Variants in SPAG16 observed in about 807,000 individuals in gnomAD.
SPAG16 encodes sperm-associated antigen 16 protein.
SPAG16 carries 86 observed loss-of-function variants against 80.4 expected under a neutral mutation model. The observed-to-expected ratio is 1.07, with a 90% CI of 0.90 to 1.28. The LOEUF (loss-of-function observed/expected upper bound fraction) is 1.28. Ranked by LOEUF, SPAG16 falls within the 50% of genes most tolerant of loss-of-function variation. SPAG16 has a pLI of 0.00. For missense variants in SPAG16, 870 were observed against 765.3 expected, an observed-to-expected ratio of 1.14 and a Z score of -1.61; for synonymous variants, 294 against 265.9, an observed-to-expected ratio of 1.11 and a Z score of -1.03.
At chr2:213,911,031 A>G (rs1386800004) in intron 11 of SPAG16, among the ~76,000 whole-genome samples, 3 of 151,866 alleles carry the variant, frequency 2.0e-5, no homozygotes, top group African/African-American at 7.3e-5. Flanking sequence ...CTCCTGTTCC[A>G]CCCCCTCTCA....
chr2:213,615,423 T>C lies in SPAG16; in HGVS notation c.1070+125333T>C, dbSNP rs143175927. On this transcript the variant is annotated intron_variant, in intron 10 of 15. Transcript: ENST00000331683. ...CTGGCCAAGATGGTGAGACCCTGTC[T>C]CTACTAAAAATGCAAAAATTACCTG... Among the ~76,000 whole-genome samples, 234 of 152,234 alleles carry C rather than the reference T, an allele frequency of 1.5e-3. 2 individuals are homozygous for C. Among genetic ancestry groups the C allele is most frequent in the African/African-American group, 5.2e-3 (215 of 41,538 alleles).
chr2:214,164,878 C>T (rs1010993501), intron 15 of SPAG16, among the ~76,000 whole-genome samples: 26 of 151,904 alleles, frequency 1.7e-4, no homozygotes, highest in African/African-American at 3.4e-4. Flanking sequence ...TTAAATGCTC[C>T]GGACACTGCT....
chr2:213,963,547 T>G (rs1031914616), intron 12 of SPAG16, among the ~76,000 whole-genome samples: 8 of 152,174 alleles, frequency 5.3e-5, no homozygotes, highest in African/African-American at 1.9e-4. Flanking sequence ...TAGTTCTAGA[T>G]AGTTTATAAT....
chr2:213,540,348 C>A (rs1441509804), intron 10 of SPAG16, among the ~76,000 whole-genome samples: 1 of 152,060 alleles, frequency 6.6e-6, no homozygotes, highest in Non-Finnish European at 1.5e-5. Context: ...CCATGCCCGG[C>A]CCAAAAACAA....
rs1345578430 is a variant in SPAG16 at position 213,300,294 on chromosome 2, G to A, written c.279+2937G>A. The stretch of plus-strand genomic sequence containing the variant: ...TCCTCCTTTTCTTCCTCTTCCTCCT[G>A]AGAATTTAAGTAGAATTTATGGAAT... On this transcript the variant is annotated intron_variant, in intron 3 of 15. Transcript: ENST00000331683. 4.0e-5 allele frequency among the ~76,000 whole-genome samples: 6 copies of A among 151,728 alleles called. No homozygotes were observed. The East Asian group carries it at 9.6e-4, about 24-fold the overall frequency.
chr2:213,882,787 T>C (rs572829193), intron 11 of SPAG16, among the ~76,000 whole-genome samples: 1 of 152,328 alleles, frequency 6.6e-6, no homozygotes, highest in African/African-American at 2.4e-5. Context: ...TGCTTTGCAA[T>C]ATTATCCAGT....
intron 12 of SPAG16, among the ~76,000 whole-genome samples, chr2:213,947,915 T>C (rs1277435361): frequency 6.6e-6 from 1 of 152,160 alleles, no homozygotes; most frequent in Admixed American, 6.5e-5. Context: ...AAAATTGTTT[T>C]GACTGTTCTA....
intron 10 of SPAG16, among the ~76,000 whole-genome samples, chr2:213,632,306 T>C (rs1193262076): frequency 6.6e-6 from 1 of 152,188 alleles, no homozygotes; most frequent in African/African-American, 2.4e-5. Flanking sequence ...ATGCTATTGA[T>C]ATTTGTCTGT....
intron 5 of SPAG16, among the ~76,000 whole-genome samples, chr2:213,324,323 T>G (rs1457984148): frequency 1.3e-5 from 2 of 152,160 alleles, no homozygotes; most frequent in African/African-American, 2.4e-5. Flanking sequence ...AGTATATGTC[T>G]TAGCTATATA....
At chr2:214,372,359 C>G (rs1211765106) in intron 15 of SPAG16, among the ~76,000 whole-genome samples, 1 of 152,116 alleles carries the variant, frequency 6.6e-6, no homozygotes, top group African/African-American at 2.4e-5. Context: ...AGAAACAAGT[C>G]TCTATCATTT....
chr2:214,399,707 A>AT (rs373655825), intron 15 of SPAG16, among the ~76,000 whole-genome samples: 1 of 152,224 alleles, frequency 6.6e-6, no homozygotes, highest in East Asian at 1.9e-4. Flanking sequence ...TCTTAATTAA[A>AT]TTTTTGATAT....
chr2:213,909,283 G>A (rs1444520046), intron 11 of SPAG16, among the ~76,000 whole-genome samples: 2 of 152,116 alleles, frequency 1.3e-5, no homozygotes, highest in African/African-American at 2.4e-5. Context: ...AATCAATATC[G>A]TGAAAATGGC....
intron 15 of SPAG16, among the ~76,000 whole-genome samples, chr2:214,363,230 T>C (rs1699290026): frequency 6.6e-6 from 1 of 151,976 alleles, no homozygotes; most frequent in Non-Finnish European, 1.5e-5. Context: ...TACCTGTACT[T>C]CTGCAATTCT....
rs191372722 is a variant in SPAG16, at chr2:213,697,495, T to G, written c.1071-164990T>G. Among the ~76,000 whole-genome samples, 137 of 152,264 alleles carry G rather than the reference T, an allele frequency of 9.0e-4. 1 individual carries two copies. The highest frequency in any genetic ancestry group is 1.4e-3 in the Admixed American group (21 of 15,286). Reference sequence around the variant, plus strand: ...TGTTACCTTATATGACAAAAGAGACTTTGCAGATGTGAAAAAATTGAAGAT... The same window carrying G: ...TGTTACCTTATATGACAAAAGAGACGTTGCAGATGTGAAAAAATTGAAGAT... On this transcript the variant is annotated intron_variant, in intron 10 of 15. Transcript: ENST00000331683.
At chr2:213,667,205 A>G (rs1401727895) in intron 10 of SPAG16, among the ~76,000 whole-genome samples, 1 of 152,246 alleles carries the variant, frequency 6.6e-6, no homozygotes, top group Non-Finnish European at 1.5e-5. Context: ...TGGAACCATG[A>G]GAACATATGA....
At position 214,342,406 on chromosome 2, in the gene SPAG16, C is replaced by T. The variant is rs376692099; in HGVS notation, c.1721-67734C>T. ...TTGCACTAGTGCCTGAGTTCTGCCT[C>T]CTGTCAGATCAGTGGCAGCATAGAT... On this transcript the variant is annotated intron_variant, in intron 15 of 15. Coordinates refer to ENST00000331683, the MANE Select transcript of SPAG16 (RefSeq NM_024532.5). Among the ~76,000 whole-genome samples the T allele has an allele frequency of 3.9e-5, 6 of 152,282 alleles. No individual in the cohort carries two copies. The East Asian group carries it at 7.7e-4, about 20-fold the overall frequency.
At chr2:214,313,242 G>T (rs1695454474) in intron 15 of SPAG16, among the ~76,000 whole-genome samples, 1 of 152,034 alleles carries the variant, frequency 6.6e-6, no homozygotes, top group Admixed American at 6.6e-5. Context: ...TGTCAATGCT[G>T]CAATATATAC....
chr2:214,194,394 A>G (rs148570728), intron 15 of SPAG16, among the ~76,000 whole-genome samples: 14 of 152,152 alleles, frequency 9.2e-5, no homozygotes, highest in African/African-American at 3.4e-4. Context: ...TACTTTACAA[A>G]CTATTCTAGT....
chr2:214,315,501 T>TTTTTTTA (rs1038554591), intron 15 of SPAG16, among the ~76,000 whole-genome samples: 1 of 144,186 alleles, frequency 6.9e-6, no homozygotes, highest in Admixed American at 7.0e-5. Context: ...GCCCCATCTT[T>TTTTTTTA]TTTATTTATT....
Sources: allele counts gnomAD v4.1 joint callset (sites outside exome capture counted in the v4.1 genomes callset), GRCh38; gene constraint gnomAD v4.1.1; transcripts MANE v1.5; gene names NCBI Gene and HGNC (gene_info 2026-07-23, HGNC 2026-07-21).